Variants in AGBL4 observed in about 807,000 individuals in gnomAD.
AGBL4 encodes the protein cytosolic carboxypeptidase 6.
In AGBL4, 58 loss-of-function variants were observed where a neutral mutation model predicts 66.4. That is an observed-to-expected ratio of 0.87 (90% CI 0.71 to 1.09). AGBL4 has a LOEUF of 1.09. Among genes scored for constraint, AGBL4 ranks in the 50% least tolerant of loss-of-function variants. The probability of loss-of-function intolerance (pLI) is 0.00; values close to 1 mark genes in which losing one functional copy is unlikely to be tolerated. For synonymous variants in AGBL4, 234 were observed against 222.9 expected (o/e 1.05, Z -0.44); for missense variants, 579 against 631.0 (o/e 0.92, Z 0.88).
At chr1:48,788,884 G>C (rs1268900591) in intron 6 of AGBL4, among the ~76,000 whole-genome samples, 1 of 152,162 alleles carries the variant, frequency 6.6e-6, no homozygotes, top group Non-Finnish European at 1.5e-5. Flanking sequence ...TGTGAAACGG[G>C]AAAATGAAAC....
intron 4 of AGBL4, among the ~76,000 whole-genome samples, chr1:49,076,199 T>C (rs1289290808): frequency 6.6e-6 from 1 of 152,180 alleles, no homozygotes; most frequent in East Asian, 1.9e-4. Context: ...TCAGTATCTG[T>C]AGGGGATATG....
chr1:48,892,370 T>C (rs1218919132), intron 5 of AGBL4, among the ~76,000 whole-genome samples: 1 of 152,236 alleles, frequency 6.6e-6, no homozygotes, highest in Non-Finnish European at 1.5e-5. Context: ...TTCTTTTTTT[T>C]AATTTAGAAA....
chr1:49,718,086 C>T (rs779082700), intron 2 of AGBL4, among the ~76,000 whole-genome samples: 3 of 151,924 alleles, frequency 2.0e-5, no homozygotes, highest in Non-Finnish European at 4.4e-5. Flanking sequence ...TGATATGGTT[C>T]GGATGTTTAT....
intron 6 of AGBL4, among the ~76,000 whole-genome samples, chr1:48,666,560 C>A (rs79861518): frequency 0.082 from 12,550 of 152,242 alleles, 1,697 homozygotes; most frequent in African/African-American, 0.28. Flanking sequence ...ACCTTTGTCA[C>A]TATAACCCTC....
At chr1:50,008,213 C>A (rs920964598) in intron 1 of AGBL4, among the ~76,000 whole-genome samples, 2 of 152,184 alleles carry the variant, frequency 1.3e-5, no homozygotes, top group African/African-American at 4.8e-5. Flanking sequence ...GCTGCAGAAT[C>A]CACATTTTTC....
intron 9 of AGBL4, among the ~76,000 whole-genome samples, chr1:48,607,683 A>C (rs1645174291): frequency 6.6e-6 from 1 of 152,190 alleles, no homozygotes; most frequent in Admixed American, 6.5e-5. Flanking sequence ...AGCCATCATA[A>C]ACAGTGGATT....
At chr1:49,917,003 A>G (rs1387470674) in intron 1 of AGBL4, among the ~76,000 whole-genome samples, 11 of 152,188 alleles carry the variant, frequency 7.2e-5, no homozygotes, top group Non-Finnish European at 1.5e-5. Flanking sequence ...AAAGTGAAGG[A>G]GAAATAAAAT....
intron 1 of AGBL4, among the ~76,000 whole-genome samples, chr1:49,996,578 G>C (rs1234183236): frequency 3.3e-5 from 5 of 152,048 alleles, no homozygotes; most frequent in African/African-American, 1.2e-4. Context: ...AAATGAACAA[G>C]CCTAAGAATA....
intron 3 of AGBL4, among the ~76,000 whole-genome samples, chr1:49,259,285 G>A (rs1281178462): frequency 6.6e-6 from 1 of 151,638 alleles, no homozygotes; most frequent in Non-Finnish European, 1.5e-5. Flanking sequence ...CATAATGACA[G>A]GATCAAATTC....
intron 4 of AGBL4, among the ~76,000 whole-genome samples, chr1:49,240,472 C>T (rs192716808): frequency 2.4e-4 from 37 of 152,080 alleles, no homozygotes; most frequent in African/African-American, 8.9e-4. Context: ...TATCTTTGAC[C>T]TAGGTAGCAG....
At chr1:48,955,512 ATTG>A (rs1657374179) in intron 5 of AGBL4, among the ~76,000 whole-genome samples, 1 of 151,786 alleles carries the variant, frequency 6.6e-6, no homozygotes, top group South Asian at 2.1e-4. Flanking sequence ...TTTTGTTTTT[ATTG>A]TTGTTGTTGT....
chr1:48,910,832 A>C (rs1011156069), intron 5 of AGBL4, among the ~76,000 whole-genome samples: 1 of 152,162 alleles, frequency 6.6e-6, no homozygotes, highest in Non-Finnish European at 1.5e-5. Flanking sequence ...TGGGTTATTT[A>C]TAATCCTTCC....
chr1:49,699,517 G>T (rs1195444186), intron 2 of AGBL4, among the ~76,000 whole-genome samples: 2 of 151,924 alleles, frequency 1.3e-5, no homozygotes, highest in Admixed American at 6.6e-5. Flanking sequence ...CAGAACATAA[G>T]CTGTAGATTT....
At chr1:49,705,588 G>A (rs1175566840) in intron 2 of AGBL4, among the ~76,000 whole-genome samples, 5 of 152,200 alleles carry the variant, frequency 3.3e-5, no homozygotes, top group Admixed American at 3.3e-4. Context: ...TTGAACAGGA[G>A]TGGTGAGAGA....
At chr1:49,883,380 C>G in intron 1 of AGBL4, among the ~76,000 whole-genome samples, 1 of 152,036 alleles carries the variant, frequency 6.6e-6, no homozygotes, top group Non-Finnish European at 1.5e-5. Context: ...CTGACTTCCC[C>G]AAGCAAAGAT....
At chr1:49,823,157 A>G (rs1645412360) in intron 2 of AGBL4, among the ~76,000 whole-genome samples, 1 of 152,206 alleles carries the variant, frequency 6.6e-6, no homozygotes, top group Non-Finnish European at 1.5e-5. Context: ...TTTTGCTTAT[A>G]TTTGCACCAT....
At chr1:49,799,731 A>G (rs1321564626) in intron 2 of AGBL4, among the ~76,000 whole-genome samples, 1 of 152,196 alleles carries the variant, frequency 6.6e-6, no homozygotes, top group Non-Finnish European at 1.5e-5. Flanking sequence ...ATGACATTAT[A>G]AAAGAATTCT....
chr1:49,938,865 G>A (rs576567578), intron 1 of AGBL4, among the ~76,000 whole-genome samples: 1 of 152,048 alleles, frequency 6.6e-6, no homozygotes, highest in Non-Finnish European at 1.5e-5. Flanking sequence ...AATTAGGCAG[G>A]AGAAGGAAAT....
chr1:48,565,129 A>C (rs751930691), intron 11 of AGBL4, among the ~76,000 whole-genome samples: 3 of 152,182 alleles, frequency 2.0e-5, no homozygotes, highest in Admixed American at 6.5e-5. Context: ...TCAGTATCTT[A>C]ATGAAGCCTA....
Sources: allele counts gnomAD v4.1 joint callset (sites outside exome capture counted in the v4.1 genomes callset), GRCh38; gene constraint gnomAD v4.1.1; transcripts MANE v1.5; gene names NCBI Gene and HGNC (gene_info 2026-07-23, HGNC 2026-07-21).